Variants in ARHGAP18 observed in about 807,000 individuals in gnomAD.
The protein encoded by ARHGAP18 is Rho GTPase activating protein 18, also known as rho GTPase-activating protein 18.
In ARHGAP18, 67 loss-of-function variants were observed where a neutral mutation model predicts 86.2. The observed-to-expected ratio is 0.78, with a 90% CI of 0.64 to 0.95. The LOEUF is 0.95. ARHGAP18 is among the 40% of genes least tolerant of loss of function. The probability of loss-of-function intolerance (pLI) is 0.00; values close to 1 mark genes in which losing one functional copy is unlikely to be tolerated. For missense variants in ARHGAP18, 691 were observed against 780.4 expected (o/e 0.89, Z 1.37); for synonymous variants, 283 against 280.4 (o/e 1.01, Z -0.09).
At chr6:129,583,801 C>T (rs916235025) in intron 13 of ARHGAP18, among the ~76,000 whole-genome samples, 187 bp downstream of exon 13, 5 of 151,678 alleles carry the variant, frequency 3.3e-5, no homozygotes, top group African/African-American at 1.2e-4. Flanking sequence ...GAACTAAACT[C>T]ATTCCAACAG....
At chr6:129,581,430 CT>C (rs1348312932) in intron 13 of ARHGAP18, among the ~76,000 whole-genome samples, 2 of 151,774 alleles carry the variant, frequency 1.3e-5, no homozygotes, top group Non-Finnish European at 1.5e-5. Flanking sequence ...TGTTTTTAAT[CT>C]AGTACATAAC....
At position 129,599,255 on chromosome 6, in the gene ARHGAP18, G is replaced by A. The variant is rs143946112; in HGVS notation, c.1674C>T (p.Asp558=). 3.1e-6 allele frequency: 5 copies of A among 1,587,828 alleles called. No individual in the cohort carries two copies. The highest frequency in any genetic ancestry group is 1.4e-5 in the African/African-American group (1 of 72,728). The change falls in exon 12 of 15, where the codon GAC becomes GAT. Residue 558 remains aspartate, a synonymous_variant. Transcript: ENST00000368149. The stretch of plus-strand genomic sequence containing the variant: ...TATCTTGCTTTTCATATTTTTCTCG[G>A]TCATAAGCCATTTTCTTCAGCAATT... ...MKKLLKKMAY[D]REKYEKQDKS...
rs1278808916 is a variant in ARHGAP18, at chr6:129,608,018, T to A, written c.1157A>T (p.Glu386Val). ...LCQELEAKFY[E>V]GTFNWESVKQ... Reference sequence around the variant, plus strand: ...GACACTTTCCCAATTAAAAGTCCCTTCATAAAACTTTGCTTCTAGTTCTTG... The same window carrying A: ...GACACTTTCCCAATTAAAAGTCCCTACATAAAACTTTGCTTCTAGTTCTTG... Residue 386 changes from glutamate (E) to valine (V), a missense_variant, in exon 9 of 15, where the codon GAA becomes GTA. Coordinates refer to ENST00000368149, the MANE Select transcript of ARHGAP18 (RefSeq NM_033515.3). The A allele has an allele frequency of 1.9e-6, 3 of 1,545,740 alleles. No individual in the cohort carries two copies. In the South Asian group the frequency reaches 3.4e-5, roughly 17 times the overall value.
intron 1 of ARHGAP18, among the ~76,000 whole-genome samples, chr6:129,664,501 T>G (rs1289980618): frequency 6.6e-6 from 1 of 152,110 alleles, no homozygotes; most frequent in African/African-American, 2.4e-5. Flanking sequence ...GAGATGTTAG[T>G]AAAGAGTGGA....
intron 10 of ARHGAP18, among the ~76,000 whole-genome samples, chr6:129,602,826 G>A (rs891171109): frequency 4.0e-5 from 6 of 151,876 alleles, no homozygotes; most frequent in South Asian, 4.2e-4. Context: ...GTAATAAACC[G>A]TTTTAATTGT....
intron 1 of ARHGAP18, among the ~76,000 whole-genome samples, chr6:129,691,604 G>T (rs996938013): frequency 2.0e-5 from 3 of 152,028 alleles, no homozygotes; most frequent in African/African-American, 4.8e-5. Flanking sequence ...GTATTCGAGC[G>T]CTATCAATTA....
chr6:129,698,668 A>G (rs543470503), intron 1 of ARHGAP18, among the ~76,000 whole-genome samples: 1 of 148,336 alleles, frequency 6.7e-6, no homozygotes, highest in Non-Finnish European at 1.5e-5. Context: ...CAGCCTCCCG[A>G]GTAGCGTGTA....
intron 1 of ARHGAP18, among the ~76,000 whole-genome samples, chr6:129,646,785 T>G (rs1409877639): frequency 6.6e-6 from 1 of 152,170 alleles, no homozygotes; most frequent in Non-Finnish European, 1.5e-5. Flanking sequence ...TGTATTCTCA[T>G]GAGAGAGTGA....
rs747840810 is a variant in ARHGAP18, at chr6:129,671,837, C to T, written c.114-29819G>A. Among the ~76,000 whole-genome samples, 8 of 152,236 alleles carry T rather than the reference C, an allele frequency of 5.3e-5. No individual in the cohort carries two copies. The Middle Eastern group carries it at 0.01, about 194-fold the overall frequency. On this transcript the variant is annotated intron_variant, in intron 1 of 14. Transcript: ENST00000368149. ...CAATTCTTTGTTTGGCAAGTCTGTCCTGAAATTGTAGAATGTCTAACACAG... is the reference window on the plus strand; with the variant it reads ...CAATTCTTTGTTTGGCAAGTCTGTCTTGAAATTGTAGAATGTCTAACACAG...
chr6:129,585,391 T>C (rs1480592505), intron 12 of ARHGAP18, among the ~76,000 whole-genome samples: 1 of 152,178 alleles, frequency 6.6e-6, no homozygotes, highest in Non-Finnish European at 1.5e-5. Context: ...TAATATACCT[T>C]TAGAATCAGG....
At chr6:129,611,277 T>C (rs1224235836) in intron 8 of ARHGAP18, among the ~76,000 whole-genome samples, 1 of 152,220 alleles carries the variant, frequency 6.6e-6, no homozygotes, top group Non-Finnish European at 1.5e-5. Flanking sequence ...CATTAATATT[T>C]TAACTCATCA....
chr6:129,669,279 C>T (rs556235661), intron 1 of ARHGAP18, among the ~76,000 whole-genome samples: 1 of 152,086 alleles, frequency 6.6e-6, no homozygotes, highest in Non-Finnish European at 1.5e-5. Context: ...TCACGCCATT[C>T]TCCTGCCTCA....
intron 7 of ARHGAP18, among the ~76,000 whole-genome samples, chr6:129,614,673 T>C (rs1789055455): frequency 2.0e-5 from 3 of 152,140 alleles, no homozygotes; most frequent in Non-Finnish European, 4.4e-5. Context: ...TGATGGTGAA[T>C]TTTGTGTGCC....
chr6:129,657,370 T>G (rs1366805217), intron 1 of ARHGAP18, among the ~76,000 whole-genome samples: 1 of 151,862 alleles, frequency 6.6e-6, no homozygotes, highest in African/African-American at 2.4e-5. Flanking sequence ...GTAATTTGCA[T>G]GTTTTCTTAA....
At chr6:129,669,184 T>C (rs1774098915) in intron 1 of ARHGAP18, among the ~76,000 whole-genome samples, 1 of 151,918 alleles carries the variant, frequency 6.6e-6, no homozygotes, top group Admixed American at 6.5e-5. Flanking sequence ...TTTTTTTTTT[T>C]TTCTTGAGAC....
chr6:129,626,680 C>T (rs1003883539), intron 5 of ARHGAP18, among the ~76,000 whole-genome samples: 41 of 87,998 alleles, frequency 4.7e-4, no homozygotes, highest in African/African-American at 1.4e-3. Flanking sequence ...CATACACACA[C>T]ACACACACAC....
intron 5 of ARHGAP18, among the ~76,000 whole-genome samples, chr6:129,625,623 T>A (rs1789408607): frequency 1.5e-5 from 1 of 68,526 alleles, no homozygotes; most frequent in Non-Finnish European, 2.6e-5. Context: ...TATATTTATA[T>A]ATTATATATA....
rs559719278 is a variant in ARHGAP18 at position 129,673,466 on chromosome 6, T to C, written c.114-31448A>G. ...GTTTATTTTAAAAGTGTTTTTTCTCTTTATAGGAAGGATAGAGTAAAGGAA... is the reference window on the plus strand; with the variant it reads ...GTTTATTTTAAAAGTGTTTTTTCTCCTTATAGGAAGGATAGAGTAAAGGAA... On this transcript the variant is annotated intron_variant, in intron 1 of 14. Coordinates refer to ENST00000368149, the MANE Select transcript of ARHGAP18 (RefSeq NM_033515.3). Among the ~76,000 whole-genome samples, 81 of 152,178 alleles carry C rather than the reference T, an allele frequency of 5.3e-4. 1 individual carries two copies. The highest frequency in any genetic ancestry group is 1.8e-4 in the Non-Finnish European group (12 of 68,022).
chr6:129,598,297 T>C (rs1371723211), intron 12 of ARHGAP18, among the ~76,000 whole-genome samples: 5 of 152,236 alleles, frequency 3.3e-5, no homozygotes, highest in African/African-American at 1.2e-4. Flanking sequence ...GCCAAGAAAG[T>C]ATCATTTTTT....
Sources: gnomAD v4.1 joint callset for allele counts (sites outside exome capture counted in the v4.1 genomes callset) on GRCh38, gnomAD v4.1.1 for gene constraint, MANE v1.5 for transcripts, NCBI Gene and HGNC (gene_info 2026-07-23, HGNC 2026-07-21) for gene names.